Variants in ZNF215 observed in about 807,000 individuals in gnomAD.
The protein encoded by ZNF215 is zinc finger protein 215, also known as BWSCR2-associated zinc finger protein 2.
Under a neutral mutation model 27.2 loss-of-function variants are expected in ZNF215, and 24 were observed. The observed-to-expected ratio is 0.88, with a 90% CI of 0.64 to 1.24. The LOEUF (loss-of-function observed/expected upper bound fraction) is 1.24, where lower values mean the gene tolerates loss of function less well. ZNF215 is among the 50% of genes most tolerant of loss of function. ZNF215 has a pLI of 0.00. For synonymous variants in ZNF215, 210 were observed against 204.0 expected (o/e 1.03, Z -0.25); for missense variants, 675 against 605.7 (o/e 1.11, Z -1.20).
chr11:6,970,899 C>G (rs1309596813), intron 5 of ZNF215, among the ~76,000 whole-genome samples: 1 of 152,110 alleles, frequency 6.6e-6, no homozygotes, highest in Non-Finnish European at 1.5e-5. Context: ...ATAAATGAAG[C>G]TTTCAGATCT....
At position 6,956,149 on chromosome 11, in the gene ZNF215, G is replaced by A. The variant is rs1308724801; in HGVS notation, c.1172G>A (p.Ser391Asn). The change falls in exon 7 of 7, where the codon AGT becomes AAT. Residue 391 changes from serine (S) to asparagine (N), a missense_variant. Transcript: ENST00000278319. The part of the protein sequence containing the change: ...CYQCGKAFCR[S>N]SSLIRHQIIH... ...CAATGTGGGAAAGCCTTCTGCCGAA[G>A]TTCATCCCTTATTCGACATCAGATC... is the stretch of plus-strand genomic sequence containing the variant. 3.1e-6 allele frequency: 5 copies of A among 1,613,760 alleles called. No homozygotes were observed. In the South Asian group the frequency reaches 3.3e-5, roughly 11 times the overall value.
intron 5 of ZNF215, among the ~76,000 whole-genome samples, chr11:6,978,899 T>C (rs1295098336): frequency 6.6e-6 from 1 of 152,102 alleles, no homozygotes; most frequent in African/African-American, 2.4e-5. Context: ...AATTATAAGA[T>C]GAACAAAAAT....
At position 6,932,215 on chromosome 11, in the gene ZNF215, G is replaced by A; in HGVS notation, c.-58G>A. 6.4e-7 allele frequency: 1 copy of A among 1,569,510 alleles called. No homozygotes were observed. The highest frequency in any genetic ancestry group is 8.6e-7 in the Non-Finnish European group (1 of 1,158,238). ...ACACAGGTGCTTAGCTCAAGCCTGAGAATTACTGCAATCTAGTAAGGCGGA... is the reference window on the plus strand; with the variant it reads ...ACACAGGTGCTTAGCTCAAGCCTGAAAATTACTGCAATCTAGTAAGGCGGA... On this transcript the variant is annotated 5_prime_UTR_variant, in exon 3 of 7. Coordinates refer to ENST00000278319, the MANE Select transcript of ZNF215 (RefSeq NM_013250.4).
At chr11:6,959,883 G>T (rs184223925), downstream of ZNF215, among the ~76,000 whole-genome samples, 1 of 152,166 alleles carries the variant, frequency 6.6e-6, no homozygotes, top group East Asian at 1.9e-4. Flanking sequence ...CTAGACCTAG[G>T]TGTTTATAAG....
chr11:6,954,287 A>C (rs1850222800), intron 6 of ZNF215, among the ~76,000 whole-genome samples: 1 of 152,198 alleles, frequency 6.6e-6, no homozygotes, highest in Non-Finnish European at 1.5e-5. Flanking sequence ...GGGACATTTA[A>C]GTCTGCAGAG....
downstream of ZNF215, among the ~76,000 whole-genome samples, chr11:6,990,749 C>A (rs1851106143): frequency 6.6e-6 from 1 of 152,198 alleles, no homozygotes; most frequent in South Asian, 2.1e-4. Context: ...CCAAAACACA[C>A]ACACACACGC....
intron 6 of ZNF215, among the ~76,000 whole-genome samples, chr11:6,950,053 C>T (rs1300254850): frequency 6.6e-6 from 1 of 151,594 alleles, no homozygotes; most frequent in East Asian, 1.9e-4. Flanking sequence ...AGATATGCGG[C>T]GTTATTTCTG....
At chr11:6,964,299 T>C (rs1235862136) in intron 5 of ZNF215, among the ~76,000 whole-genome samples, 1 of 152,082 alleles carries the variant, frequency 6.6e-6, no homozygotes, top group Non-Finnish European at 1.5e-5. Context: ...GTTGATGAAG[T>C]TCATTTTATC....
Position 6,956,842 on chromosome 11 carries a change from T to C in ZNF215, c.*311T>C, listed in dbSNP as rs1850379397. ...TCTCCCTAGTTCATAAATAGGTCTA[T>C]AGCATACTAATATCCACCTGATTTA... is the stretch of plus-strand genomic sequence containing the variant. On this transcript the variant is annotated 3_prime_UTR_variant, in exon 7 of 7. Coordinates refer to ENST00000278319, the MANE Select transcript of ZNF215 (RefSeq NM_013250.4). 1.7e-5 allele frequency: 18 copies of C among 1,058,192 alleles called. No individual in the cohort carries two copies. In the South Asian group the frequency reaches 6.6e-4, roughly 39 times the overall value. The allele number at this position is 1,058,192 out of a possible 1,614,324, so 65.6% of individuals were successfully genotyped here.
At position 6,929,714 on chromosome 11, in the gene ZNF215, A is replaced by C. The variant is rs534028781; in HGVS notation, c.-180+1907A>C. ...AACATGACTTATCGCTATTAATGTT[A>C]ATCTTGATCACCTGGCTGAGATGGT... On this transcript the variant is annotated intron_variant, in intron 2 of 6. Transcript: ENST00000278319. Among the ~76,000 whole-genome samples, 16 of 152,266 alleles carry C rather than the reference A, an allele frequency of 1.1e-4. No individual in the cohort carries two copies. In the South Asian group the frequency reaches 3.3e-3, roughly 32 times the overall value.
intron 5 of ZNF215, among the ~76,000 whole-genome samples, chr11:6,965,427 C>T (rs1254470772): frequency 6.6e-6 from 1 of 151,704 alleles, no homozygotes; most frequent in South Asian, 2.1e-4. Flanking sequence ...CAAATGTGTT[C>T]ACTCTATTCA....
intron 2 of ZNF215, among the ~76,000 whole-genome samples, chr11:6,930,525 A>T (rs990962076): frequency 3.3e-5 from 5 of 152,166 alleles, no homozygotes; most frequent in Non-Finnish European, 7.4e-5. Context: ...CTCATCTGCC[A>T]TTAAACTGTC....
chr11:6,984,637 T>G (rs1851025384), downstream of ZNF215: 1 of 152,204 alleles, frequency 6.6e-6, no homozygotes, highest in South Asian at 2.1e-4. Flanking sequence ...ACTGACAATC[T>G]GCCCATGATT....
intron 4 of ZNF215, among the ~76,000 whole-genome samples, chr11:6,942,861 A>G (rs1309930958): frequency 6.6e-6 from 1 of 152,068 alleles, no homozygotes; most frequent in Non-Finnish European, 1.5e-5. Context: ...ACTGCACTTC[A>G]CTTTTCTTTT....
chr11:6,927,861 T>G, intron 2 of ZNF215, 54 bp downstream of exon 2: 1 of 152,250 alleles, frequency 6.6e-6, no homozygotes, highest in East Asian at 1.9e-4. Flanking sequence ...AGTATATTTG[T>G]TGCTTTTTTT....
At chr11:6,992,915 T>C (rs1479381311), downstream of ZNF215, among the ~76,000 whole-genome samples, 2 of 152,144 alleles carry the variant, frequency 1.3e-5, no homozygotes, top group Non-Finnish European at 2.9e-5. Context: ...AGTCATAACA[T>C]GTTTTTGGCT....
intron 6 of ZNF215, among the ~76,000 whole-genome samples, chr11:6,945,520 A>C (rs1176399473): frequency 6.6e-6 from 1 of 152,200 alleles, no homozygotes; most frequent in Non-Finnish European, 1.5e-5. Flanking sequence ...ATTCACCTGA[A>C]ACAGTTGTTG....
At chr11:6,991,293 G>A (rs1851113976), downstream of ZNF215, among the ~76,000 whole-genome samples, 1 of 152,158 alleles carries the variant, frequency 6.6e-6, no homozygotes, top group Non-Finnish European at 1.5e-5. Flanking sequence ...CTTTCCCCTA[G>A]CCTCCCTGCT....
intron 6 of ZNF215, among the ~76,000 whole-genome samples, chr11:6,944,293 C>A (rs1047382268): frequency 4.0e-5 from 6 of 151,636 alleles, no homozygotes; most frequent in Non-Finnish European, 7.4e-5. Context: ...AGTGCTACAT[C>A]AATGAAAATT....
Sources: allele counts gnomAD v4.1 joint callset (sites outside exome capture counted in the v4.1 genomes callset), GRCh38; gene constraint gnomAD v4.1.1; transcripts MANE v1.5; gene names NCBI Gene and HGNC (gene_info 2026-07-23, HGNC 2026-07-21).